Variants in PAWR observed in about 807,000 individuals in gnomAD.
PAWR encodes the protein PRKC apoptosis WT1 regulator protein.
A neutral mutation model predicts 32.0 loss-of-function variants in PAWR; 23 were observed. The observed-to-expected ratio is 0.72, with a 90% CI of 0.52 to 1.02. The LOEUF (loss-of-function observed/expected upper bound fraction) is 1.02, where lower values mean the gene tolerates loss of function less well. Ranked by LOEUF, PAWR falls within the 50% of genes least tolerant of loss-of-function variation. PAWR has a pLI of 0.00. For synonymous variants in PAWR, 226 were observed against 187.1 expected (o/e 1.21, Z -1.70); for missense variants, 457 against 437.7 (o/e 1.04, Z -0.39).
rs1457354937 is a variant in PAWR at position 79,585,168 on chromosome 12, AAAAC to A, written c.*7435_*7438del. The A allele has an allele frequency of 1.1e-5, 5 of 452,808 alleles. No individual in the cohort carries two copies. Among genetic ancestry groups the A allele is most frequent in the African/African-American group, 1.0e-4 (5 of 49,968 alleles). 28.0% of individuals were successfully genotyped at this position (452,808 alleles called of 1,614,324 possible). On this transcript the variant is annotated 3_prime_UTR_variant, in exon 7 of 7. Transcript: ENST00000328827. ...CAGGAGCTTAAAACAAAACAAAACA[AAAAC>A]AAACAAAAAACAAGTTCATGTTATT...
chr12:79,620,636 T>A (rs545122839), intron 3 of PAWR, among the ~76,000 whole-genome samples: 1 of 152,112 alleles, frequency 6.6e-6, no homozygotes, highest in Non-Finnish European at 1.5e-5. Flanking sequence ...AAAAGGGTGA[T>A]AGAGCTCTAG....
chr12:79,668,473 C>A (rs1877720692), intron 2 of PAWR: 1 of 152,182 alleles, frequency 6.6e-6, no homozygotes, highest in African/African-American at 2.4e-5. Context: ...GGTTCCCAGC[C>A]TTTTTGGCAC....
intron 4 of PAWR, among the ~76,000 whole-genome samples, chr12:79,602,770 A>ATTTTTTT (rs1037453130): frequency 7.2e-6 from 1 of 139,392 alleles, no homozygotes; most frequent in Non-Finnish European, 1.6e-5. Context: ...TACCTGGCTA[A>ATTTTTTT]TTTTTTTTTT....
At position 79,679,635 on chromosome 12, in the gene PAWR, G is replaced by A. The variant is rs532698550; in HGVS notation, c.516+10094C>T. ...ATAAAATAAAATCCCTGATACGGCAGTAGTATTAGCCTGGTGGGGCCAGGA... is the reference window on the plus strand; with the variant it reads ...ATAAAATAAAATCCCTGATACGGCAATAGTATTAGCCTGGTGGGGCCAGGA... On this transcript the variant is annotated intron_variant, in intron 2 of 6. Transcript: ENST00000328827. Among the ~76,000 whole-genome samples the A allele has an allele frequency of 1.0e-3, 157 of 152,320 alleles. 8 individuals are homozygous for A. The highest frequency in any genetic ancestry group is 1.7e-3 in the Admixed American group (26 of 15,302).
At chr12:79,651,738 G>A (rs1876858848) in intron 2 of PAWR, among the ~76,000 whole-genome samples, 1 of 152,032 alleles carries the variant, frequency 6.6e-6, no homozygotes, top group Non-Finnish European at 1.5e-5. Context: ...TGGGAATTTC[G>A]ATGCTTAAAT....
At chr12:79,596,735 T>TA in intron 4 of PAWR, 77 bp from the exon 5 acceptor site, 3 of 914,888 alleles carry the variant, frequency 3.3e-6, no homozygotes, top group Admixed American at 2.9e-5. Context: ...CTATTGAGCT[T>TA]AAAAAAATTA....
intron 2 of PAWR, among the ~76,000 whole-genome samples, chr12:79,638,837 T>C (rs1478619665): frequency 7.9e-6 from 1 of 127,322 alleles, no homozygotes; most frequent in Non-Finnish European, 1.6e-5. Flanking sequence ...TATAAACATA[T>C]ATACATATAT....
intron 2 of PAWR, among the ~76,000 whole-genome samples, chr12:79,686,868 A>T (rs914857326): frequency 2.6e-5 from 4 of 152,132 alleles, no homozygotes; most frequent in African/African-American, 4.8e-5. Context: ...CAGTACTTAA[A>T]TTTTTTCATG....
chr12:79,682,294 G>C (rs1191292054), intron 2 of PAWR, among the ~76,000 whole-genome samples: 1 of 152,102 alleles, frequency 6.6e-6, no homozygotes, highest in Non-Finnish European at 1.5e-5. Flanking sequence ...TAGCATTAGA[G>C]GTGTGAGCTA....
chr12:79,641,138 T>C (rs536214420), intron 2 of PAWR, among the ~76,000 whole-genome samples: 1 of 152,334 alleles, frequency 6.6e-6, no homozygotes, highest in East Asian at 1.9e-4. Context: ...GTTTTGTTGC[T>C]TATACAGAAA....
chr12:79,682,934 T>C (rs559864626), intron 2 of PAWR, among the ~76,000 whole-genome samples: 33 of 152,220 alleles, frequency 2.2e-4, no homozygotes, highest in Non-Finnish European at 4.4e-4. Flanking sequence ...GCTTTAAAAG[T>C]TTGAGTTGCT....
At chr12:79,654,950 A>T (rs1168887293) in intron 2 of PAWR, among the ~76,000 whole-genome samples, 1 of 152,240 alleles carries the variant, frequency 6.6e-6, no homozygotes, top group Non-Finnish European at 1.5e-5. Context: ...GGGGATTGCC[A>T]GCAGTTAAAT....
At chr12:79,660,875 C>T (rs1359887925) in intron 2 of PAWR, among the ~76,000 whole-genome samples, 1 of 151,538 alleles carries the variant, frequency 6.6e-6, no homozygotes. Context: ...AGAGCCATTG[C>T]GGCCAGCCAC....
intron 2 of PAWR, among the ~76,000 whole-genome samples, chr12:79,623,272 A>C (rs1041927187): frequency 1.6e-4 from 24 of 152,170 alleles, no homozygotes; most frequent in African/African-American, 5.3e-4. Flanking sequence ...ACTTTCAAAA[A>C]CTTTCTCAAA....
chr12:79,657,515 C>T (rs1877146941), intron 2 of PAWR, among the ~76,000 whole-genome samples: 3 of 151,910 alleles, frequency 2.0e-5, no homozygotes, highest in Admixed American at 1.3e-4. Flanking sequence ...GAAGAAGGGC[C>T]GCGCGGTGGC....
Position 79,591,025 on chromosome 12 carries a change from G to C in PAWR, c.*1582C>G, listed in dbSNP as rs1873538723. The C allele has an allele frequency of 6.6e-6, 1 of 152,180 alleles. No individual in the cohort carries two copies. The highest frequency in any genetic ancestry group is 2.4e-5 in the African/African-American group (1 of 41,452). 9.4% of individuals were successfully genotyped at this position (152,180 alleles called of 1,614,324 possible). A position where few individuals can be genotyped will look rare whatever the true frequency, so the allele number is the denominator to read the frequency against. On this transcript the variant is annotated 3_prime_UTR_variant, in exon 7 of 7. Transcript: ENST00000328827. ...ATGGAATAAAGAAACAGCAGCAGCT[G>C]CTTCAAAAGTAGACTATGATCAGAA...
chr12:79,689,995 G>A lies in PAWR; in HGVS notation c.250C>T (p.Pro84Ser), dbSNP rs1592564651. ...PGGAPAAPAV[P>S]GPGGVNCAVG... ...GCGCAGTTCACGCCCCCGGGACCGG[G>A]GACGGCAGGTGCGGCCGGCGCGCCG... Residue 84 changes from proline (P) to serine (S), a missense_variant, in exon 2 of 7, where the codon CCC becomes TCC. Coordinates refer to ENST00000328827, the MANE Select transcript of PAWR (RefSeq NM_002583.4). 7.6e-7 allele frequency: 1 copy of A among 1,312,420 alleles called. No homozygotes were observed. The allele number at this position is 1,312,420 out of a possible 1,614,324, so 81.3% of individuals were successfully genotyped here.
chr12:79,647,684 G>A (rs957908392), intron 2 of PAWR, among the ~76,000 whole-genome samples: 1 of 152,120 alleles, frequency 6.6e-6, no homozygotes, highest in African/African-American at 2.4e-5. Flanking sequence ...GCCTTTTACA[G>A]ATTAAAAATC....
At chr12:79,653,027 GTGTT>G (rs1168911081) in intron 2 of PAWR, among the ~76,000 whole-genome samples, 8 of 152,072 alleles carry the variant, frequency 5.3e-5, no homozygotes, top group African/African-American at 9.7e-5. Context: ...TTCTGTTTTT[GTGTT>G]TGTTTTTTTA....
Sources: allele counts gnomAD v4.1 joint callset (sites outside exome capture counted in the v4.1 genomes callset), GRCh38; gene constraint gnomAD v4.1.1; transcripts MANE v1.5; gene names NCBI Gene and HGNC (gene_info 2026-07-23, HGNC 2026-07-21).